Variants in OR9Q1 observed in about 807,000 individuals in gnomAD.
OR9Q1 encodes olfactory receptor 9Q1.
For missense variants in OR9Q1, 374 were observed against 378.8 expected (o/e 0.99, Z 0.11); for synonymous variants, 153 against 148.6 (o/e 1.03, Z -0.22).
chr11:58,060,508 G>A (rs1423198390), intron 2 of OR9Q1, among the ~76,000 whole-genome samples: 1 of 152,182 alleles, frequency 6.6e-6, no homozygotes, highest in Non-Finnish European at 1.5e-5. Context: ...TGGAGCAGAG[G>A]GGAAGGGGTT....
chr11:58,133,933 CA>C (rs1854167008), intron 2 of OR9Q1, among the ~76,000 whole-genome samples: 1 of 152,170 alleles, frequency 6.6e-6, no homozygotes, highest in African/African-American at 2.4e-5. Context: ...GCTCCGAGAT[CA>C]GCCATCAGTG....
chr11:58,179,782 A>G lies in OR9Q1; in HGVS notation c.338A>G (p.Tyr113Cys). 6.2e-7 allele frequency: 1 copy of G among 1,614,062 alleles called. No homozygotes were observed. The highest frequency in any genetic ancestry group is 8.5e-7 in the Non-Finnish European group (1 of 1,180,006). ...ACCTTCTTTGGTTCCATCGACTGCT[A>G]CCTCTTGGCCCTCATGGCCTATGAC... ...LFTFFGSIDC[Y>C]LLALMAYDRY... is the part of the protein sequence containing the mutation. The change falls in exon 3 of 3, where the codon TAC becomes TGC. Residue 113 changes from tyrosine to cysteine, a missense_variant. Coordinates refer to ENST00000335397, the MANE Select transcript of OR9Q1 (RefSeq NM_001005212.4).
At chr11:58,156,790 TATATTTG>T (rs1212985951) in intron 2 of OR9Q1, among the ~76,000 whole-genome samples, 1 of 152,202 alleles carries the variant, frequency 6.6e-6, no homozygotes, top group Non-Finnish European at 1.5e-5. Flanking sequence ...TATCTATCCA[TATATTTG>T]ATAATTTTTG....
In OR9Q1 at chr11:58,180,198, G is replaced by T. The variant is rs1286980756; in HGVS notation, c.754G>T (p.Gly252Cys). 3.7e-6 allele frequency: 6 copies of T among 1,613,950 alleles called. No individual in the cohort carries two copies. The highest frequency in any genetic ancestry group is 5.1e-6 in the Non-Finnish European group (6 of 1,179,946). ...CCTCACTGCTGTGTCACTCTTCTTT[G>T]GTACCCTCATCTTCATGTACTTGAG... Reference protein sequence around the residue: ...SHLTAVSLFFGTLIFMYLRGN... With the variant: ...SHLTAVSLFFCTLIFMYLRGN... Residue 252 changes from glycine to cysteine, a missense_variant, in exon 3 of 3, where the codon GGT becomes TGT. Gly to Cys is a radical substitution (Grantham distance 159). Coordinates refer to ENST00000335397, the MANE Select transcript of OR9Q1 (RefSeq NM_001005212.4).
intron 2 of OR9Q1, among the ~76,000 whole-genome samples, chr11:58,115,762 C>T (rs776351607): frequency 3.9e-5 from 6 of 152,118 alleles, no homozygotes; most frequent in Non-Finnish European, 7.4e-5. Context: ...AAATATAATA[C>T]ATATACAAAG....
intron 2 of OR9Q1, among the ~76,000 whole-genome samples, chr11:58,059,556 T>C (rs1853359598): frequency 1.3e-5 from 2 of 150,774 alleles, no homozygotes; most frequent in African/African-American, 4.9e-5. Flanking sequence ...ATTAGCCGGG[T>C]GTGGTGGCGC....
intron 2 of OR9Q1, among the ~76,000 whole-genome samples, chr11:58,112,948 G>A (rs556770441): frequency 2.0e-5 from 3 of 152,128 alleles, no homozygotes; most frequent in South Asian, 2.1e-4. Context: ...AAATACCCAC[G>A]ATCACCCTCA....
Position 58,053,423 on chromosome 11 carries a change from G to T in OR9Q1, c.-92-2447G>T, listed in dbSNP as rs1264706297. Among the ~76,000 whole-genome samples the T allele has an allele frequency of 5.7e-3, 691 of 120,182 alleles. 11 individuals carry two copies. The highest frequency in any genetic ancestry group is 0.021 in the African/African-American group (666 of 32,014). 78.8% of individuals were successfully genotyped at this position (120,182 alleles called of 152,430 possible). On this transcript the variant is annotated intron_variant, in intron 1 of 2. Transcript: ENST00000335397. Reference sequence around the variant, plus strand: ...TGAGAACACATGGACACAGGAAGGGGCACATCACACTCTGGGGCCTGTTGT... The same window carrying T: ...TGAGAACACATGGACACAGGAAGGGTCACATCACACTCTGGGGCCTGTTGT...
intron 2 of OR9Q1, among the ~76,000 whole-genome samples, chr11:58,178,904 A>ATATATT (rs1486955007): frequency 7.3e-6 from 1 of 137,794 alleles, no homozygotes; most frequent in Non-Finnish European, 1.5e-5. Flanking sequence ...TTTATATATT[A>ATATATT]TATATATTAT....
intron 2 of OR9Q1, among the ~76,000 whole-genome samples, chr11:58,164,052 G>A (rs991397616): frequency 6.6e-6 from 1 of 152,154 alleles, no homozygotes; most frequent in Non-Finnish European, 1.5e-5. Flanking sequence ...GCCACGGATT[G>A]GCTATGACAG....
At chr11:58,119,921 C>A (rs887687138) in intron 2 of OR9Q1, among the ~76,000 whole-genome samples, 1 of 152,166 alleles carries the variant, frequency 6.6e-6, no homozygotes, top group Non-Finnish European at 1.5e-5. Context: ...CTTCTAGATA[C>A]AGCAATTTTA....
chr11:58,128,194 AT>A (rs1454268386), intron 2 of OR9Q1, among the ~76,000 whole-genome samples: 3 of 149,196 alleles, frequency 2.0e-5, no homozygotes, highest in African/African-American at 7.3e-5. Context: ...AATAGAAAAA[AT>A]ATTTCAATAT....
intron 2 of OR9Q1, chr11:58,072,329 GTCTAT>G (rs748739995): frequency 2.6e-5 from 4 of 152,496 alleles, no homozygotes; most frequent in Admixed American, 2.0e-4. Flanking sequence ...ACATCTAGAT[GTCTAT>G]TCTATTAAAT....
At chr11:58,088,746 G>A (rs1027402074) in intron 2 of OR9Q1, among the ~76,000 whole-genome samples, 4 of 151,732 alleles carry the variant, frequency 2.6e-5, no homozygotes, top group Non-Finnish European at 5.9e-5. Flanking sequence ...AGGGTAGCTT[G>A]CTAAAATTTT....
chr11:58,122,973 C>T (rs1257450085), intron 2 of OR9Q1, among the ~76,000 whole-genome samples: 80 of 129,962 alleles, frequency 6.2e-4, no homozygotes, highest in African/African-American at 1.5e-3. Flanking sequence ...TTTTTTTTTT[C>T]GGATTTTGTT....
At chr11:58,161,066 G>A (rs950191539) in intron 2 of OR9Q1, among the ~76,000 whole-genome samples, 4 of 151,564 alleles carry the variant, frequency 2.6e-5, no homozygotes, top group South Asian at 2.1e-4. Flanking sequence ...GACACAGGGC[G>A]GGGAACATCA....
intron 2 of OR9Q1, among the ~76,000 whole-genome samples, chr11:58,121,792 A>G (rs1039136592): frequency 1.3e-5 from 2 of 152,190 alleles, no homozygotes; most frequent in African/African-American, 2.4e-5. Flanking sequence ...GATAAAATCC[A>G]TAGTAGTAAA....
intron 2 of OR9Q1, among the ~76,000 whole-genome samples, chr11:58,098,797 G>A (rs1038018255): frequency 2.0e-5 from 3 of 151,882 alleles, no homozygotes; most frequent in Admixed American, 6.6e-5. Context: ...TTCTTGAGTC[G>A]GAAGCTTGGA....
chr11:58,160,438 T>G (rs1029273439), intron 2 of OR9Q1, among the ~76,000 whole-genome samples: 10 of 150,088 alleles, frequency 6.7e-5, no homozygotes, highest in African/African-American at 2.5e-4. Context: ...GAGTAGAATA[T>G]TTGTTGTTGT....
Sources: allele counts gnomAD v4.1 joint callset (sites outside exome capture counted in the v4.1 genomes callset), GRCh38; gene constraint gnomAD v4.1.1; transcripts MANE v1.5; gene names NCBI Gene and HGNC (gene_info 2026-07-23, HGNC 2026-07-21).